Variants in TMEM68 observed in about 807,000 individuals in gnomAD.
The protein encoded by TMEM68 is DGAT1/2-independent enzyme synthesizing storage lipids.
TMEM68 carries 25 observed loss-of-function variants against 36.9 expected under a neutral mutation model. The ratio of observed to expected loss-of-function variants is 0.68; its 90% CI spans 0.49 to 0.95. The LOEUF is 0.95. TMEM68 is among the 40% of genes least tolerant of loss of function. TMEM68 has a pLI of 0.00. For synonymous variants in TMEM68, 131 were observed against 124.4 expected (o/e 1.05, Z -0.35); for missense variants, 333 against 392.0 (o/e 0.85, Z 1.27).
At chr8:55,754,498 TAC>T (rs1237291676) in intron 4 of TMEM68, among the ~76,000 whole-genome samples, 20 of 130,146 alleles carry the variant, frequency 1.5e-4, no homozygotes, top group East Asian at 4.5e-4. Flanking sequence ...CACACATACA[TAC>T]ACACACACAC....
chr8:55,769,067 G>A (rs1811069852), intron 1 of TMEM68, among the ~76,000 whole-genome samples: 2 of 141,746 alleles, frequency 1.4e-5, no homozygotes, highest in Non-Finnish European at 3.0e-5. Flanking sequence ...GTTCATGCCT[G>A]TAATCCCAGC....
In TMEM68 at chr8:55,763,034, A is replaced by T; in HGVS notation, c.-69-6T>A. ...GCAGGTCGCTAATTTTGACACTAGA[A>T]GGGAAAAATAATCCAGTATTATTTT... On this transcript the variant is annotated splice_polypyrimidine_tract_variant and splice_region_variant and intron_variant, in intron 2 of 7. Coordinates refer to ENST00000434581, the MANE Select transcript of TMEM68 (RefSeq NM_001286657.2). 6.9e-7 allele frequency: 1 copy of T among 1,441,194 alleles called. No individual in the cohort carries two copies. The highest frequency in any genetic ancestry group is 9.3e-7 in the Non-Finnish European group (1 of 1,080,606). The allele number at this position is 1,441,194 out of a possible 1,614,324, so 89.3% of individuals were successfully genotyped here.
intron 4 of TMEM68, among the ~76,000 whole-genome samples, 158 bp downstream of exon 4, chr8:55,756,086 T>C (rs894525503): frequency 6.6e-6 from 1 of 152,146 alleles, no homozygotes; most frequent in African/African-American, 2.4e-5. Flanking sequence ...AAAAGGATAA[T>C]TAGATATTCC....
intron 3 of TMEM68, chr8:55,761,415 T>C (rs1810786819): frequency 6.6e-6 from 1 of 152,170 alleles, no homozygotes; most frequent in Non-Finnish European, 1.5e-5. Flanking sequence ...TACTGGACTT[T>C]AACTCCTCCT....
chr8:55,758,911 T>TA (rs1286084037), intron 3 of TMEM68, among the ~76,000 whole-genome samples: 2 of 152,102 alleles, frequency 1.3e-5, no homozygotes, highest in Non-Finnish European at 2.9e-5. Flanking sequence ...TATAAAAAAA[T>TA]AGAGTCAAAT....
intron 2 of TMEM68, among the ~76,000 whole-genome samples, 171 bp from the exon 3 acceptor site, chr8:55,763,199 G>A (rs1810856372): frequency 6.6e-6 from 1 of 152,188 alleles, no homozygotes; most frequent in Admixed American, 6.5e-5. Flanking sequence ...TCATCTGTCT[G>A]CTCATGAAGT....
At chr8:55,769,322 C>CAAAAA (rs56065552) in intron 1 of TMEM68, among the ~76,000 whole-genome samples, 1,947 of 71,578 alleles carry the variant, frequency 0.027, 178 homozygotes, top group African/African-American at 0.082. Context: ...AATCCCATCT[C>CAAAAA]AAAAAAAAAA....
At chr8:55,761,519 C>T (rs562507879) in intron 3 of TMEM68, 4 of 152,294 alleles carry the variant, frequency 2.6e-5, no homozygotes, top group Admixed American at 2.6e-4. Context: ...GGGTTGTAAC[C>T]TGGCCCTATT....
intron 3 of TMEM68, among the ~76,000 whole-genome samples, chr8:55,759,160 C>T (rs1246549114): frequency 6.6e-6 from 1 of 150,512 alleles, no homozygotes; most frequent in African/African-American, 2.4e-5. Context: ...TGGCTCAAGC[C>T]TGTAATGCCA....
intron 7 of TMEM68, among the ~76,000 whole-genome samples, chr8:55,742,179 T>C (rs1001126636): frequency 1.3e-5 from 2 of 152,192 alleles, no homozygotes; most frequent in Non-Finnish European, 2.9e-5. Context: ...TTCACTCATA[T>C]GAGGTATCTA....
intron 5 of TMEM68, among the ~76,000 whole-genome samples, chr8:55,749,720 T>C (rs1336650106): frequency 6.6e-6 from 1 of 152,202 alleles, no homozygotes; most frequent in Non-Finnish European, 1.5e-5. Flanking sequence ...ACCTCCTTAC[T>C]GAATAGGAGT....
At chr8:55,742,398 ATT>A (rs1810128277) in intron 7 of TMEM68, among the ~76,000 whole-genome samples, 1 of 152,202 alleles carries the variant, frequency 6.6e-6, no homozygotes, top group African/African-American at 2.4e-5. Flanking sequence ...TTTTACCATA[ATT>A]TGTTTTACTA....
At chr8:55,746,637 A>G (rs746405593) in intron 5 of TMEM68, 2 of 152,164 alleles carry the variant, frequency 1.3e-5, no homozygotes, top group Non-Finnish European at 2.9e-5. Flanking sequence ...TAAATGCCTA[A>G]TATAAAATTA....
chr8:55,755,695 T>A (rs1810583966), intron 4 of TMEM68, among the ~76,000 whole-genome samples: 1 of 151,712 alleles, frequency 6.6e-6, no homozygotes, highest in Non-Finnish European at 1.5e-5. Flanking sequence ...CATGAAAAAA[T>A]TCATTATGTG....
At chr8:55,751,349 G>C (rs1465448281) in intron 4 of TMEM68, 192 bp from the exon 5 acceptor site, 1 of 542,874 alleles carries the variant, frequency 1.8e-6, no homozygotes, top group East Asian at 3.3e-5. Flanking sequence ...AAATTCTTAA[G>C]TAAAACTCAC....
chr8:55,772,693 C>A (rs556831118), intron 1 of TMEM68, among the ~76,000 whole-genome samples: 1 of 152,224 alleles, frequency 6.6e-6, no homozygotes, highest in Non-Finnish European at 1.5e-5. Context: ...TAATCAACCC[C>A]ATTTCACAGG....
intron 6 of TMEM68, 111 bp from the exon 7 acceptor site, chr8:55,743,731 C>T: frequency 2.1e-6 from 2 of 947,930 alleles, no homozygotes; most frequent in East Asian, 5.6e-5. Context: ...AAAAGTATCA[C>T]TTCTTGGCAA....
At chr8:55,750,279 G>A (rs1032636550) in intron 5 of TMEM68, among the ~76,000 whole-genome samples, 3 of 152,000 alleles carry the variant, frequency 2.0e-5, no homozygotes, top group African/African-American at 7.2e-5. Flanking sequence ...AGTAAAATGT[G>A]CCATAATTCA....
At chr8:55,766,206 GAGGGAGGA>G (rs1359391660) in intron 1 of TMEM68, among the ~76,000 whole-genome samples, 1 of 3,122 alleles carries the variant, frequency 3.2e-4, no homozygotes, top group East Asian at 0.17. Flanking sequence ...GCAGAAACCT[GAGGGAGGA>G]AGGAAGGAAG....
Sources: gnomAD v4.1 joint callset for allele counts (sites outside exome capture counted in the v4.1 genomes callset) on GRCh38, gnomAD v4.1.1 for gene constraint, MANE v1.5 for transcripts, NCBI Gene and HGNC (gene_info 2026-07-23, HGNC 2026-07-21) for gene names.